Variants in TMTC2 observed in about 807,000 individuals in gnomAD.
TMTC2 encodes transmembrane O-mannosyltransferase targeting cadherins 2, also known as protein O-mannosyl-transferase TMTC2.
TMTC2 carries 43 observed loss-of-function variants against 82.4 expected under a neutral mutation model. The observed-to-expected ratio is 0.52, with a 90% CI of 0.41 to 0.67. The LOEUF (loss-of-function observed/expected upper bound fraction) is 0.67, where lower values mean the gene tolerates loss of function less well. TMTC2 is among the 30% of genes least tolerant of loss of function. TMTC2 has a pLI of 0.00. For synonymous variants in TMTC2, 408 were observed against 381.9 expected, an observed-to-expected ratio of 1.07 and a Z score of -0.80; for missense variants, 919 against 1,012.4, an observed-to-expected ratio of 0.91 and a Z score of 1.25.
intron 9 of TMTC2, among the ~76,000 whole-genome samples, chr12:83,035,841 C>T (rs745927791): frequency 6.6e-6 from 1 of 152,004 alleles, no homozygotes; most frequent in African/African-American, 2.4e-5. Flanking sequence ...CATTATAAAC[C>T]TTTAGTGTAG....
At chr12:82,974,663 A>G (rs1303970752) in intron 7 of TMTC2, among the ~76,000 whole-genome samples, 1 of 152,234 alleles carries the variant, frequency 6.6e-6, no homozygotes, top group Admixed American at 6.5e-5. Context: ...TAATGAATTT[A>G]TTTAATGAAA....
chr12:83,028,478 G>A (rs1421144156), intron 8 of TMTC2, among the ~76,000 whole-genome samples: 1 of 152,120 alleles, frequency 6.6e-6, no homozygotes, highest in Non-Finnish European at 1.5e-5. Flanking sequence ...ATTTGTTACA[G>A]TTGATGAGTC....
At chr12:83,064,795 G>C (rs1202151589) in intron 11 of TMTC2, among the ~76,000 whole-genome samples, 1 of 151,866 alleles carries the variant, frequency 6.6e-6, no homozygotes, top group Non-Finnish European at 1.5e-5. Flanking sequence ...CTGATTTAAA[G>C]CATTCATTTA....
chr12:83,058,950 G>C (rs1325653303), intron 10 of TMTC2, among the ~76,000 whole-genome samples: 3 of 151,754 alleles, frequency 2.0e-5, no homozygotes, highest in Non-Finnish European at 2.9e-5. Flanking sequence ...TTAAAATGTG[G>C]TTAATAATAA....
At chr12:82,937,714 GTGTGTGTGTGTGTGGA>G (rs1483951213) in intron 4 of TMTC2, among the ~76,000 whole-genome samples, 5 of 37,820 alleles carry the variant, frequency 1.3e-4, no homozygotes, top group Non-Finnish European at 4.1e-4. Flanking sequence ...GTGTGTGTGT[GTGTGTGTGTGTGTGGA>G]TGTGTGTGTG....
chr12:83,000,285 C>G (rs558639517), intron 8 of TMTC2, among the ~76,000 whole-genome samples: 1 of 152,256 alleles, frequency 6.6e-6, no homozygotes, highest in African/African-American at 2.4e-5. Flanking sequence ...CAGGTGTATG[C>G]CACCATGCCT....
intron 3 of TMTC2, among the ~76,000 whole-genome samples, chr12:82,924,198 A>G (rs1045623529): frequency 4.6e-5 from 7 of 152,204 alleles, no homozygotes; most frequent in Non-Finnish European, 8.8e-5. Context: ...CAGCTACACC[A>G]TGGAGAACTC....
At chr12:83,088,572 G>T (rs1005057778) in intron 11 of TMTC2, among the ~76,000 whole-genome samples, 22 of 152,162 alleles carry the variant, frequency 1.4e-4, no homozygotes, top group Admixed American at 1.2e-3. Flanking sequence ...CAATATTGTT[G>T]TGTCTCTAGG....
intron 1 of TMTC2, among the ~76,000 whole-genome samples, chr12:82,731,569 A>G (rs1874810956): frequency 6.6e-6 from 1 of 152,262 alleles, no homozygotes; most frequent in Non-Finnish European, 1.5e-5. Flanking sequence ...CAGAAAGCCG[A>G]CATAGAAATA....
chr12:82,757,819 G>A (rs1264285786), intron 1 of TMTC2, among the ~76,000 whole-genome samples: 1 of 152,178 alleles, frequency 6.6e-6, no homozygotes, highest in East Asian at 1.9e-4. Flanking sequence ...GTCAGGGAAA[G>A]TGGCTCAGTA....
chr12:82,911,123 A>G (rs1167468444), intron 3 of TMTC2, among the ~76,000 whole-genome samples: 6 of 151,900 alleles, frequency 3.9e-5, no homozygotes, highest in South Asian at 2.1e-4. Flanking sequence ...CTTGTGAGCC[A>G]CCCACCTCAG....
intron 9 of TMTC2, among the ~76,000 whole-genome samples, chr12:83,038,396 C>G (rs1322717666): frequency 6.6e-6 from 1 of 152,042 alleles, no homozygotes; most frequent in African/African-American, 2.4e-5. Context: ...GCTGCTCTAA[C>G]ACATATTCTC....
chr12:82,983,002 A>AGC (rs1458901154), intron 7 of TMTC2, among the ~76,000 whole-genome samples: 9 of 151,174 alleles, frequency 6.0e-5, no homozygotes, highest in Non-Finnish European at 1.2e-4. Flanking sequence ...GAAATTGAAA[A>AGC]ACTGTTTCAT....
At chr12:83,014,840 T>C (rs1880604926) in intron 8 of TMTC2, among the ~76,000 whole-genome samples, 1 of 152,180 alleles carries the variant, frequency 6.6e-6, no homozygotes, top group Non-Finnish European at 1.5e-5. Context: ...AACACAAAGA[T>C]CATAATAGCT....
chr12:83,067,274 A>G (rs1882952621), intron 11 of TMTC2, among the ~76,000 whole-genome samples: 1 of 151,958 alleles, frequency 6.6e-6, no homozygotes, highest in South Asian at 2.1e-4. Flanking sequence ...GAGATGAAGA[A>G]TTGGAAGTGG....
intron 1 of TMTC2, among the ~76,000 whole-genome samples, chr12:82,725,106 C>T (rs569611153): frequency 3.4e-4 from 52 of 151,748 alleles, no homozygotes; most frequent in African/African-American, 1.2e-3. Context: ...GGCCTTTCTC[C>T]TTTTTCAACA....
chr12:82,971,905 A>T (rs1204519611), intron 7 of TMTC2, among the ~76,000 whole-genome samples: 1 of 152,088 alleles, frequency 6.6e-6, no homozygotes, highest in Non-Finnish European at 1.5e-5. Context: ...TCTCTCAAAG[A>T]ACTTTCTGGG....
chr12:83,119,548 C>T (rs188768338), intron 11 of TMTC2, among the ~76,000 whole-genome samples: 92 of 152,068 alleles, frequency 6.0e-4, no homozygotes, highest in African/African-American at 2.1e-3. Flanking sequence ...TATTCAGGCT[C>T]GTTTTGTGGG....
chr12:82,855,296 G>A (rs547635063), intron 1 of TMTC2, among the ~76,000 whole-genome samples: 2 of 152,260 alleles, frequency 1.3e-5, no homozygotes, highest in Admixed American at 6.5e-5. Context: ...TTTGCAGTCA[G>A]GCAGTGAATG....
Sources: allele counts gnomAD v4.1 joint callset (sites outside exome capture counted in the v4.1 genomes callset), GRCh38; gene constraint gnomAD v4.1.1; transcripts MANE v1.5; gene names NCBI Gene and HGNC (gene_info 2026-07-23, HGNC 2026-07-21).